Variants in VPS35 observed in about 807,000 individuals in gnomAD.
The protein encoded by VPS35 is vacuolar protein sorting-associated protein 35.
In VPS35, 21 loss-of-function variants were observed where a neutral mutation model predicts 98.1. That is an observed-to-expected ratio of 0.21 (90% CI 0.15 to 0.31). The LOEUF is 0.31. Ranked by LOEUF, VPS35 falls within the 10% of genes least tolerant of loss-of-function variation. The probability of loss-of-function intolerance (pLI) is 1.00; values close to 1 mark genes in which losing one functional copy is unlikely to be tolerated. For synonymous variants in VPS35, 268 were observed against 318.2 expected, an observed-to-expected ratio of 0.84 and a Z score of 1.68; for missense variants, 554 against 950.8, an observed-to-expected ratio of 0.58 and a Z score of 5.49.
rs1965915536 is a variant in VPS35, at chr16:46,661,570, T to G, written c.2211+148A>C. On this transcript the variant is annotated intron_variant, in intron 16 of 16. Transcript: ENST00000299138. The surrounding 1 kb of genome is among the most constrained non-coding windows in gnomAD (Gnocchi z 4.3). ...ACTAGAACATTATGACAAATTAGCCTATTATTTGACATCTGTAAATTATTT... is the reference window on the plus strand; with the variant it reads ...ACTAGAACATTATGACAAATTAGCCGATTATTTGACATCTGTAAATTATTT... 1.3e-6 allele frequency: 1 copy of G among 798,930 alleles called. No individual in the cohort carries two copies. 49.5% of individuals were successfully genotyped at this position (798,930 alleles called of 1,614,324 possible). A position where few individuals can be genotyped will look rare whatever the true frequency, so the allele number is the denominator to read the frequency against.
At chr16:46,662,921 T>C (rs1596710327) in intron 14 of VPS35, 62 bp downstream of exon 14, 1 of 1,597,938 alleles carries the variant, frequency 6.3e-7, no homozygotes, top group East Asian at 2.2e-5. Context: ...CCACCATGCC[T>C]GCAAACAAGC....
intron 10 of VPS35, chr16:46,673,946 A>ATT: frequency 4.9e-6 from 1 of 204,874 alleles, no homozygotes; most frequent in Non-Finnish European, 9.9e-6. Flanking sequence ...TTTTTTTGGG[A>ATT]TTTTTTTTTT....
intron 6 of VPS35, 84 bp from the exon 7 acceptor site, chr16:46,677,482 A>G (rs2062214220): frequency 8.9e-7 from 1 of 1,126,672 alleles, no homozygotes; most frequent in Admixed American, 1.8e-5. Context: ...TTGAACTACT[A>G]ACTTGAAAAT....
intron 6 of VPS35, 141 bp from the exon 7 acceptor site, chr16:46,677,539 AG>A (rs2143008275): frequency 1.3e-6 from 1 of 749,362 alleles, no homozygotes. Flanking sequence ...AAACTTTAAA[AG>A]CTTTTTTCTT....
chr16:46,665,841 A>G (rs1965980888), intron 13 of VPS35, among the ~76,000 whole-genome samples: 1 of 152,100 alleles, frequency 6.6e-6, no homozygotes, highest in African/African-American at 2.4e-5. Flanking sequence ...CCCAGGCTGG[A>G]GCGCAAAAGC....
intron 1 of VPS35, among the ~76,000 whole-genome samples, chr16:46,686,915 C>T (rs1167878671): frequency 3.3e-5 from 5 of 152,180 alleles, no homozygotes; most frequent in Non-Finnish European, 7.4e-5. Context: ...CAGAGCAAAG[C>T]AAAGATCATG....
At position 46,674,638 on chromosome 16, in the gene VPS35, C is replaced by G; in HGVS notation, c.937G>C (p.Glu313Gln). ...IDRLALFAHR[E>Q]DGPGIPADIK... is the part of the protein sequence containing the mutation. Reference sequence around the variant, plus strand: ...TCCGCTGGGATTCCAGGTCCATCTTCACGGTGAGCAAATAAAGCTAATCTA... The same window carrying G: ...TCCGCTGGGATTCCAGGTCCATCTTGACGGTGAGCAAATAAAGCTAATCTA... Residue 313 changes from glutamate to glutamine, a missense_variant, in exon 9 of 17, where the codon GAA (glutamate) becomes CAA (glutamine). This residue lies in a region of VPS35 where 254 missense variants were observed against 390.1 expected (regional missense o/e 0.65). Transcript: ENST00000299138. 1 of 1,609,672 alleles carries G rather than the reference C, an allele frequency of 6.2e-7. No individual in the cohort carries two copies. The highest frequency in any genetic ancestry group is 8.5e-7 in the Non-Finnish European group (1 of 1,178,096).
chr16:46,663,498 C>G (rs1331936997), intron 13 of VPS35, among the ~76,000 whole-genome samples: 1 of 152,184 alleles, frequency 6.6e-6, no homozygotes, highest in East Asian at 1.9e-4. Context: ...TCTCCTGCCT[C>G]AGCCTCCCGA....
At chr16:46,673,943 G>T (rs1348247773) in intron 10 of VPS35, 2 of 211,488 alleles carry the variant, frequency 9.5e-6, no homozygotes, top group East Asian at 1.2e-4. Flanking sequence ...GAGTTTTTTT[G>T]GGATTTTTTT....
At position 46,671,763 on chromosome 16, in the gene VPS35, C is replaced by A. The variant is rs1596716620; in HGVS notation, c.1466G>T (p.Ser489Ile). Residue 489 changes from serine to isoleucine, a missense_variant, in exon 12 of 17, where the codon AGC becomes ATC. By Grantham distance (142) the Ser-to-Ile change is moderately radical. Around this residue, in one of 5 missense-constraint regions of VPS35, gnomAD observed 254 missense variants for 390.1 expected, o/e 0.65. Coordinates refer to ENST00000299138, the MANE Select transcript of VPS35 (RefSeq NM_018206.6). ...CAGATGAATGAAGCGGCCCACAAGG[C>A]TCTGCTCATCAGCAAAATCTTCTGG... ...PDPEDFADEQSLVGRFIHLLR... is the reference protein window; with the variant it reads ...PDPEDFADEQILVGRFIHLLR... 2 of 1,614,114 alleles carry A rather than the reference C, an allele frequency of 1.2e-6. No homozygotes were observed. The highest frequency in any genetic ancestry group is 1.7e-5 in the Admixed American group (1 of 59,992).
chr16:46,662,204 G>C, intron 15 of VPS35, 39 bp downstream of exon 15: 1 of 1,613,796 alleles, frequency 6.2e-7, no homozygotes, highest in Non-Finnish European at 8.5e-7. Context: ...TCCCTGTTAT[G>C]GATCCTGTCT....
chr16:46,668,004 T>C (rs1966013875), intron 13 of VPS35, among the ~76,000 whole-genome samples: 1 of 152,146 alleles, frequency 6.6e-6, no homozygotes, highest in Non-Finnish European at 1.5e-5. Context: ...TGGTAAAGAG[T>C]GAATGATAAG....
intron 14 of VPS35, 92 bp downstream of exon 14, chr16:46,662,891 G>T: frequency 7.1e-7 from 1 of 1,409,008 alleles, no homozygotes; most frequent in Non-Finnish European, 1.0e-6. Context: ...AGTAAAAGAA[G>T]AGTAAATTCA....
At chr16:46,680,908 T>C in intron 4 of VPS35, 55 bp from the exon 5 acceptor site, 1 of 1,557,080 alleles carries the variant, frequency 6.4e-7, no homozygotes, top group East Asian at 2.3e-5. Context: ...AATCAAGAAT[T>C]TATTTCCAAA....
chr16:46,683,732 ATT>A, intron 1 of VPS35, 126 bp from the exon 2 acceptor site: 3 of 960,012 alleles, frequency 3.1e-6, no homozygotes, highest in Non-Finnish European at 4.7e-6. Context: ...CATTTACCAA[ATT>A]TTTTTTTTGA....
Position 46,671,724 on chromosome 16 carries a change from T to C in VPS35, c.1505A>G (p.Asp502Gly). The C allele has an allele frequency of 6.2e-7, 1 of 1,614,130 alleles. No homozygotes were observed. ...GRFIHLLRSEDPDQQYLILNT... is the reference protein window; with the variant it reads ...GRFIHLLRSEGPDQQYLILNT... ...TCATACCAAGTACTGCTGGTCAGGGTCCTCAGAGCGCAGCAGATGAATGAA... is the reference window on the plus strand; with the variant it reads ...TCATACCAAGTACTGCTGGTCAGGGCCCTCAGAGCGCAGCAGATGAATGAA... The change falls in exon 12 of 17, where the codon GAC (aspartate) becomes GGC (glycine). Residue 502 changes from aspartate to glycine, a missense_variant. Physicochemically the swap from Asp to Gly is moderately conservative, Grantham distance 94 (BLOSUM62 -1). Transcript: ENST00000299138.
intron 8 of VPS35, among the ~76,000 whole-genome samples, chr16:46,675,303 AG>A (rs1257104147): frequency 6.6e-6 from 1 of 152,220 alleles, no homozygotes; most frequent in Non-Finnish European, 1.5e-5. Context: ...AAAAGTACAT[AG>A]ACTATTTTAA....
intron 15 of VPS35, 148 bp from the exon 16 acceptor site, chr16:46,662,009 A>AGT: frequency 7.4e-7 from 1 of 1,343,926 alleles, no homozygotes; most frequent in Non-Finnish European, 1.0e-6. Flanking sequence ...CTTGTTTTGA[A>AGT]GTATACAGCT....
rs750804781 is a variant in VPS35 at position 46,662,978 on chromosome 16, A to G, written c.1827+5T>C. 1 of 1,614,236 alleles carries G rather than the reference A, an allele frequency of 6.2e-7. No individual in the cohort carries two copies. The highest frequency in any genetic ancestry group is 8.5e-7 in the Non-Finnish European group (1 of 1,180,032). On this transcript the variant is annotated splice_donor_5th_base_variant and intron_variant, in intron 14 of 16. Transcript: ENST00000299138. Reference sequence around the variant, plus strand: ...CATGACAACGCAGAAAGAACAGATCATCACCTGGGACATGAATTCATATGC... The same window carrying G: ...CATGACAACGCAGAAAGAACAGATCGTCACCTGGGACATGAATTCATATGC...
Sources: gnomAD v4.1 joint callset for allele counts (sites outside exome capture counted in the v4.1 genomes callset) on GRCh38, gnomAD v4.1.1 for gene constraint, gnomAD v4.1.1 regional missense constraint, Gnocchi (gnomAD v3.1) non-coding constraint, MANE v1.5 for transcripts, NCBI Gene and HGNC (gene_info 2026-07-23, HGNC 2026-07-21) for gene names.